Variants in SPATA6 observed in about 807,000 individuals in gnomAD.
The protein encoded by SPATA6 is spermatogenesis associated 6, also known as spermatogenesis-associated protein 6.
Under a neutral mutation model 65.3 loss-of-function variants are expected in SPATA6, and 56 were observed. The ratio of observed to expected loss-of-function variants is 0.86; its 90% CI spans 0.69 to 1.07. The LOEUF (loss-of-function observed/expected upper bound fraction) is 1.07, where lower values mean the gene tolerates loss of function less well. Among genes scored for constraint, SPATA6 ranks in the 50% least tolerant of loss-of-function variants. The probability of loss-of-function intolerance (pLI) is 0.00; values close to 1 mark genes in which losing one functional copy is unlikely to be tolerated. For synonymous variants in SPATA6, 199 were observed against 213.2 expected (o/e 0.93, Z 0.58); for missense variants, 590 against 594.8 (o/e 0.99, Z 0.08).
intron 3 of SPATA6, among the ~76,000 whole-genome samples, chr1:48,440,907 A>C (rs1236114710): frequency 1.3e-5 from 2 of 152,194 alleles, no homozygotes; most frequent in African/African-American, 4.8e-5. Context: ...AAAAAGGAAA[A>C]GAGAGATCAG....
chr1:48,409,749 G>A (rs991908066), intron 5 of SPATA6, among the ~76,000 whole-genome samples: 1 of 152,252 alleles, frequency 6.6e-6, no homozygotes, highest in African/African-American at 2.4e-5. Context: ...CTTGAGGCCT[G>A]CACCCTCTGA....
chr1:48,321,905 A>G (rs1645608984), intron 11 of SPATA6, among the ~76,000 whole-genome samples: 1 of 152,218 alleles, frequency 6.6e-6, no homozygotes, highest in Non-Finnish European at 1.5e-5. Flanking sequence ...ATGCTCCTGG[A>G]TAACCAGTGA....
At chr1:48,385,157 T>C (rs1463970406) in intron 9 of SPATA6, 152 bp downstream of exon 9, 1 of 730,656 alleles carries the variant, frequency 1.4e-6, no homozygotes, top group Non-Finnish European at 2.0e-6. Flanking sequence ...CCTGACAAAG[T>C]AACCAAAATA....
intron 9 of SPATA6, among the ~76,000 whole-genome samples, chr1:48,367,645 C>T (rs560820650): frequency 6.6e-6 from 1 of 152,106 alleles, no homozygotes; most frequent in South Asian, 2.1e-4. Context: ...TTTCCATTTG[C>T]TTGGTAGATC....
At chr1:48,314,031 A>C (rs956682066) in intron 11 of SPATA6, among the ~76,000 whole-genome samples, 2 of 152,208 alleles carry the variant, frequency 1.3e-5, no homozygotes, top group African/African-American at 4.8e-5. Flanking sequence ...GAGCATCAAG[A>C]TTCATAAAGC....
chr1:48,291,239 A>C (rs187134261), downstream of SPATA6, among the ~76,000 whole-genome samples: 3 of 152,318 alleles, frequency 2.0e-5, no homozygotes, highest in East Asian at 5.8e-4. Flanking sequence ...TTTCAAAAGC[A>C]TATCAGCTGG....
chr1:48,350,833 G>T (rs1431400613), intron 11 of SPATA6, among the ~76,000 whole-genome samples: 1 of 151,802 alleles, frequency 6.6e-6, no homozygotes, highest in Non-Finnish European at 1.5e-5. Context: ...GTTTGTTTCA[G>T]ATCGTTTTGA....
In SPATA6 at chr1:48,399,654, A is replaced by C. The variant is rs986434660; in HGVS notation, c.487-10T>G. On this transcript the variant is annotated splice_polypyrimidine_tract_variant and intron_variant, in intron 6 of 12. Coordinates refer to ENST00000371847, the MANE Select transcript of SPATA6 (RefSeq NM_019073.4). ...GGTAAATAAATTTATCCTAAACATAAAAAATAAAAATTAACTTGGTCAAAG... is the reference window on the plus strand; with the variant it reads ...GGTAAATAAATTTATCCTAAACATACAAAATAAAAATTAACTTGGTCAAAG... 1 of 1,550,560 alleles carries C rather than the reference A, an allele frequency of 6.4e-7. No individual in the cohort carries two copies. Among genetic ancestry groups the C allele is most frequent in the South Asian group, 1.2e-5 (1 of 81,316 alleles).
At chr1:48,278,672 T>C in the SPATA6 span, among the ~76,000 whole-genome samples, 1 of 152,104 alleles carries the variant, frequency 6.6e-6, no homozygotes, top group Non-Finnish European at 1.5e-5. Context: ...CCAAGAAATA[T>C]GGGACTATGT....
chr1:48,328,065 T>C (rs1038908039), intron 11 of SPATA6, among the ~76,000 whole-genome samples: 2 of 152,088 alleles, frequency 1.3e-5, no homozygotes, highest in African/African-American at 2.4e-5. Context: ...AAAGAAGATA[T>C]ACAAATTACC....
intron 11 of SPATA6, among the ~76,000 whole-genome samples, chr1:48,350,302 C>T (rs76936086): frequency 0.025 from 3,560 of 140,530 alleles, 93 homozygotes; most frequent in African/African-American, 0.068. Flanking sequence ...GCTTTTCTTT[C>T]TTTTTTTTTT....
chr1:48,341,252 C>A (rs949546), intron 11 of SPATA6, among the ~76,000 whole-genome samples: 48,185 of 152,062 alleles, frequency 0.32, 9,096 homozygotes, highest in Middle Eastern at 0.44. Flanking sequence ...ACAGTAGTAC[C>A]CCTAATCATC....
At chr1:48,414,356 G>A (rs1652560445) in intron 3 of SPATA6, among the ~76,000 whole-genome samples, 1 of 152,152 alleles carries the variant, frequency 6.6e-6, no homozygotes, top group Non-Finnish European at 1.5e-5. Flanking sequence ...CTGACCTCAG[G>A]AGAAATTCTT....
intron 11 of SPATA6, among the ~76,000 whole-genome samples, chr1:48,319,574 A>G (rs1417348715): frequency 6.6e-6 from 1 of 152,212 alleles, no homozygotes; most frequent in African/African-American, 2.4e-5. Context: ...GAAGTCAGGC[A>G]GCCCTCCAAG....
At chr1:48,436,678 C>T in intron 3 of SPATA6, 1 of 1,614,208 alleles carries the variant, frequency 6.2e-7, no homozygotes, top group Non-Finnish European at 8.5e-7. Context: ...TCCAGAACTA[C>T]TGAGACAGGA....
At chr1:48,271,568 G>A in the SPATA6 span, among the ~76,000 whole-genome samples, 4 of 151,988 alleles carry the variant, frequency 2.6e-5, no homozygotes, top group Non-Finnish European at 4.4e-5. Flanking sequence ...CTGGCCCTTC[G>A]ATGTGTTTTT....
chr1:48,469,096 T>G (rs755146847), intron 1 of SPATA6, among the ~76,000 whole-genome samples: 1 of 152,130 alleles, frequency 6.6e-6, no homozygotes, highest in African/African-American at 2.4e-5. Context: ...GTCCCCTGAG[T>G]AGCTGGAACT....
intron 1 of SPATA6, among the ~76,000 whole-genome samples, chr1:48,469,468 CTATTTA>C (rs899661949): frequency 6.0e-4 from 26 of 43,394 alleles, no homozygotes; most frequent in South Asian, 1.4e-3. Context: ...AAACAAATAT[CTATTTA>C]TATATATATA....
At chr1:48,305,757 G>C in intron 12 of SPATA6, 30 bp downstream of exon 12, 1 of 1,486,506 alleles carries the variant, frequency 6.7e-7, no homozygotes. Flanking sequence ...TCAGAACTAT[G>C]AGAAGGATAT....
Sources: gnomAD v4.1 joint callset for allele counts (sites outside exome capture counted in the v4.1 genomes callset) on GRCh38, gnomAD v4.1.1 for gene constraint, MANE v1.5 for transcripts, NCBI Gene and HGNC (gene_info 2026-07-23, HGNC 2026-07-21) for gene names.